RBFOX3: variants seen among roughly 807,000 people sequenced by gnomAD.
RBFOX3 encodes RNA binding fox-1 homolog 3.
In RBFOX3, 17 loss-of-function variants were observed where a neutral mutation model predicts 48.7. That is an observed-to-expected ratio of 0.35 (90% CI 0.24 to 0.52). The LOEUF (loss-of-function observed/expected upper bound fraction) is 0.52. Ranked by LOEUF, RBFOX3 falls within the 20% of genes least tolerant of loss-of-function variation. The probability of loss-of-function intolerance (pLI) is 0.94; values close to 1 mark genes in which losing one functional copy is unlikely to be tolerated. For synonymous variants in RBFOX3, 212 were observed against 209.5 expected (o/e 1.01, Z -0.10); for missense variants, 382 against 497.5 (o/e 0.77, Z 2.21).
intron 2 of RBFOX3, among the ~76,000 whole-genome samples, chr17:79,372,256 C>T (rs1199774215): frequency 6.6e-6 from 1 of 150,686 alleles, no homozygotes; most frequent in Admixed American, 6.6e-5. Context: ...CCCATACTAT[C>T]CCCGGCAATC....
intron 2 of RBFOX3, among the ~76,000 whole-genome samples, chr17:79,400,636 C>T (rs35983897): frequency 0.18 from 8,203 of 45,344 alleles, 292 homozygotes; most frequent in Middle Eastern, 0.33. Flanking sequence ...CGCGAATTAA[C>T]CACAGTTTTA....
rs538278570 is a variant in RBFOX3 at position 79,361,017 on chromosome 17, G to A, written c.-174-53193C>T. ...CTGCTGAATGCCGCACCGTGCCTGG[G>A]AAGAACATCAGCTTTTGGAAACAGA... On this transcript the variant is annotated intron_variant, in intron 2 of 14. Transcript: ENST00000693108. This position sits in a 1 kb window ranked among gnomAD's most constrained non-coding sequence, Gnocchi z 4.5. 2.6e-3 allele frequency among the ~76,000 whole-genome samples: 393 copies of A among 152,200 alleles called. 3 individuals carry two copies. Among genetic ancestry groups the A allele is most frequent in the Non-Finnish European group, 8.1e-4 (55 of 68,006 alleles).
rs368299831 is a variant in RBFOX3, at chr17:79,477,383, C to G, written c.-175+5071G>C. Among the ~76,000 whole-genome samples the G allele has an allele frequency of 2.0e-5, 3 of 151,588 alleles. No individual in the cohort carries two copies. The East Asian group carries it at 5.8e-4, about 29-fold the overall frequency. ...CATCCTGGCTAACACGGTGAAACCCCGTCTCTACTAAAAATACAAAACATT... is the reference window on the plus strand; with the variant it reads ...CATCCTGGCTAACACGGTGAAACCCGGTCTCTACTAAAAATACAAAACATT... On this transcript the variant is annotated intron_variant, in intron 2 of 14. Transcript: ENST00000693108. This position sits in a 1 kb window ranked among gnomAD's most constrained non-coding sequence, Gnocchi z 4.8.
intron 1 of RBFOX3, among the ~76,000 whole-genome samples, chr17:79,503,497 G>T (rs988401664): frequency 1.3e-5 from 2 of 152,142 alleles, no homozygotes; most frequent in Non-Finnish European, 2.9e-5. Flanking sequence ...TCAATACAGG[G>T]ACTATCAATG....
At chr17:79,547,731 G>C (rs2090642779) in intron 1 of RBFOX3, among the ~76,000 whole-genome samples, 2 of 152,250 alleles carry the variant, frequency 1.3e-5, no homozygotes, top group South Asian at 4.1e-4. Context: ...GACCAGTGGA[G>C]CAGGCTGGGG....
intron 2 of RBFOX3, among the ~76,000 whole-genome samples, chr17:79,393,716 G>A (rs1048705134): frequency 6.6e-6 from 1 of 151,674 alleles, no homozygotes; most frequent in Non-Finnish European, 1.5e-5. Context: ...CATCTGAGCC[G>A]GTCATCATAC....
At chr17:79,110,199 G>A (rs9902796) in intron 5 of RBFOX3, among the ~76,000 whole-genome samples, 1 of 151,302 alleles carries the variant, frequency 6.6e-6, no homozygotes, top group African/African-American at 2.4e-5. Flanking sequence ...GGACAGGACT[G>A]CCCTTCCCTC....
chr17:79,162,874 A>C (rs1336523220), intron 4 of RBFOX3, among the ~76,000 whole-genome samples: 1 of 152,192 alleles, frequency 6.6e-6, no homozygotes, highest in Non-Finnish European at 1.5e-5. Context: ...GGAAAAAGCC[A>C]GTGGCACGGC....
At chr17:79,155,293 A>G (rs116549747) in intron 4 of RBFOX3, among the ~76,000 whole-genome samples, 1 of 152,036 alleles carries the variant, frequency 6.6e-6, no homozygotes, top group African/African-American at 2.4e-5. Context: ...CAGTACCCCC[A>G]GCAATCACTC....
At chr17:79,263,164 C>A (rs902670265) in intron 3 of RBFOX3, among the ~76,000 whole-genome samples, 1 of 152,066 alleles carries the variant, frequency 6.6e-6, no homozygotes, top group Non-Finnish European at 1.5e-5. Flanking sequence ...TGCTGGGGTA[C>A]CCCCCCGGCT....
At chr17:79,176,554 C>A (rs1176982599) in intron 4 of RBFOX3, among the ~76,000 whole-genome samples, 1 of 152,260 alleles carries the variant, frequency 6.6e-6, no homozygotes, top group Non-Finnish European at 1.5e-5. Flanking sequence ...GCTGGTGACA[C>A]AAGAAGTCGG....
intron 3 of RBFOX3, among the ~76,000 whole-genome samples, 161 bp from the exon 4 acceptor site, chr17:79,235,966 G>T (rs1006070099): frequency 2.0e-5 from 3 of 152,202 alleles, no homozygotes; most frequent in African/African-American, 7.2e-5. Flanking sequence ...TTAACCTCTG[G>T]CTGCCGTCTG....
intron 4 of RBFOX3, among the ~76,000 whole-genome samples, chr17:79,123,832 G>A (rs1599543101): frequency 1.3e-5 from 2 of 152,230 alleles, no homozygotes; most frequent in Admixed American, 6.5e-5. Context: ...GGGACGTGCA[G>A]GAAACCCGGC....
At chr17:79,138,187 A>G (rs561571200) in intron 4 of RBFOX3, among the ~76,000 whole-genome samples, 1 of 152,250 alleles carries the variant, frequency 6.6e-6, no homozygotes, top group South Asian at 2.1e-4. Context: ...CGCAGGAGCA[A>G]CCTGTACATG....
chr17:79,158,107 G>A (rs964110781), intron 4 of RBFOX3, among the ~76,000 whole-genome samples: 2 of 149,298 alleles, frequency 1.3e-5, no homozygotes, highest in African/African-American at 2.4e-5. Context: ...AAGAAGAGGC[G>A]ATTAGGACAT....
chr17:79,627,497 C>A, the RBFOX3 span, among the ~76,000 whole-genome samples: 5 of 152,220 alleles, frequency 3.3e-5, no homozygotes, highest in African/African-American at 1.2e-4. Flanking sequence ...GGAAAGACCC[C>A]ATAAGCCCTC....
chr17:79,519,001 G>T (rs952961929), intron 1 of RBFOX3, among the ~76,000 whole-genome samples: 2 of 152,360 alleles, frequency 1.3e-5, no homozygotes, highest in Non-Finnish European at 2.9e-5. Context: ...CGCGGGAGAC[G>T]CGTCTTCAGG....
chr17:79,167,629 C>G (rs548181625), intron 4 of RBFOX3, among the ~76,000 whole-genome samples: 1 of 152,226 alleles, frequency 6.6e-6, no homozygotes, highest in Admixed American at 6.5e-5. Flanking sequence ...ACTCACAGCC[C>G]CGGCCGCAGT....
At chr17:79,620,016 C>T in the RBFOX3 span, among the ~76,000 whole-genome samples, 1 of 151,930 alleles carries the variant, frequency 6.6e-6, no homozygotes, top group Non-Finnish European at 1.5e-5. Context: ...CACATGCACA[C>T]ACACACGTGC....
Sources: allele counts gnomAD v4.1 joint callset (sites outside exome capture counted in the v4.1 genomes callset), GRCh38; gene constraint gnomAD v4.1.1; non-coding constraint Gnocchi (gnomAD v3.1); transcripts MANE v1.5; gene names NCBI Gene and HGNC (gene_info 2026-07-23, HGNC 2026-07-21).